HSF2BP: variants seen among roughly 807,000 people sequenced by gnomAD.
HSF2BP encodes heat shock factor 2-binding protein.
A neutral mutation model predicts 35.0 loss-of-function variants in HSF2BP; 35 were observed. The ratio of observed to expected loss-of-function variants is 1.00; its 90% CI spans 0.76 to 1.32. The LOEUF (loss-of-function observed/expected upper bound fraction) is 1.32. Ranked by LOEUF, HSF2BP falls within the 40% of genes most tolerant of loss-of-function variation. The probability of loss-of-function intolerance (pLI) is 0.00; values close to 1 mark genes in which losing one functional copy is unlikely to be tolerated. For missense variants in HSF2BP, 326 were observed against 321.7 expected (o/e 1.01, Z -0.10); for synonymous variants, 114 against 117.4 (o/e 0.97, Z 0.18).
chr21:43,592,068 G>C (rs2081932219), intron 8 of HSF2BP, among the ~76,000 whole-genome samples, 157 bp downstream of exon 8: 1 of 152,118 alleles, frequency 6.6e-6, no homozygotes, highest in Non-Finnish European at 1.5e-5. Flanking sequence ...TTTACATACA[G>C]ATGTATGAAT....
intron 7 of HSF2BP, among the ~76,000 whole-genome samples, chr21:43,594,901 G>T (rs1379871887): frequency 1.3e-5 from 2 of 152,164 alleles, no homozygotes; most frequent in African/African-American, 4.8e-5. Flanking sequence ...ATTATAGATG[G>T]TTAGATTAAA....
intron 7 of HSF2BP, among the ~76,000 whole-genome samples, chr21:43,605,766 CCACA>C (rs956489398): frequency 3.3e-5 from 5 of 151,476 alleles, no homozygotes; most frequent in Admixed American, 6.6e-5. Flanking sequence ...TACACACACA[CCACA>C]CACATTCCCT....
At chr21:43,604,967 ACACACCACACACACATCACACAT>A (rs1251131355) in intron 7 of HSF2BP, among the ~76,000 whole-genome samples, 1 of 142,450 alleles carries the variant, frequency 7.0e-6, no homozygotes, top group Non-Finnish European at 1.5e-5. Flanking sequence ...CACACACACT[ACACACCACACACACATCACACAT>A]CACACCACAC....
At chr21:43,572,172 G>A (rs371101038) in intron 8 of HSF2BP, among the ~76,000 whole-genome samples, 1 of 152,190 alleles carries the variant, frequency 6.6e-6, no homozygotes, top group African/African-American at 2.4e-5. Flanking sequence ...ATGTGCAAGA[G>A]AGAACACAGG....
At chr21:43,577,891 T>A (rs1470038200) in intron 8 of HSF2BP, among the ~76,000 whole-genome samples, 1 of 152,140 alleles carries the variant, frequency 6.6e-6, no homozygotes, top group Non-Finnish European at 1.5e-5. Flanking sequence ...CCCCTGCCCT[T>A]AAGAAGGTAC....
chr21:43,647,106 G>A lies in HSF2BP; in HGVS notation c.188-2714C>T, dbSNP rs1043003688. Among the ~76,000 whole-genome samples, 3 of 152,174 alleles carry A rather than the reference G, an allele frequency of 2.0e-5. No homozygotes were observed. The South Asian group carries it at 6.2e-4, about 32-fold the overall frequency. On this transcript the variant is annotated intron_variant, in intron 3 of 8. Transcript: ENST00000291560. The stretch of plus-strand genomic sequence containing the variant: ...AAACACATGGCTACTTTATCTGTAT[G>A]TCTCATTCTCATACAATAAGAATAT...
intron 8 of HSF2BP, among the ~76,000 whole-genome samples, chr21:43,582,296 GAAGACCTGCTGTGGGAGAT>G: frequency 2.1e-5 from 3 of 140,150 alleles, no homozygotes; most frequent in Non-Finnish European, 3.0e-5. Flanking sequence ...TGAGGGGGAT[GAAGACCTGCTGTGGGAGAT>G]AAGGGCCTGT....
chr21:43,593,740 A>G (rs2081954316), intron 7 of HSF2BP, among the ~76,000 whole-genome samples: 1 of 152,190 alleles, frequency 6.6e-6, no homozygotes, highest in South Asian at 2.1e-4. Context: ...GAAATACTAA[A>G]CAGAAAAGAC....
At chr21:43,605,089 A>G (rs534869842) in intron 7 of HSF2BP, among the ~76,000 whole-genome samples, 1 of 147,024 alleles carries the variant, frequency 6.8e-6, no homozygotes, top group African/African-American at 2.6e-5. Flanking sequence ...CACATAACAC[A>G]ACACACATAC....
the HSF2BP span, among the ~76,000 whole-genome samples, chr21:43,467,510 T>G: frequency 7.7e-6 from 1 of 130,190 alleles, no homozygotes. Context: ...GGGTGAGGGT[T>G]CCAGCGCTGC....
chr21:43,595,726 A>ATTTTTTTTTTTTTTTTTTTTTTTT lies in HSF2BP; in HGVS notation c.693-3422_693-3399dup, dbSNP rs770855952. On this transcript the variant is annotated intron_variant, in intron 7 of 8. Transcript: ENST00000291560. Reference sequence around the variant, plus strand: ...AGCATCTTTAAAAATTAAGAGGCTAATTTTTTTTTTTTTTTTTTTTTTTTT... The same window carrying ATTTTTTTTTTTTTTTTTTTTTTTT: ...AGCATCTTTAAAAATTAAGAGGCTAATTTTTTTTTTTTTTTTTTTTTTTTTTTTTTTTTTTTTTTTTTTTTTTTT... Among the ~76,000 whole-genome samples, 12 of 58,448 alleles carry ATTTTTTTTTTTTTTTTTTTTTTTT rather than the reference A, an allele frequency of 2.1e-4. 2 individuals carry two copies. Among genetic ancestry groups the ATTTTTTTTTTTTTTTTTTTTTTTT allele is most frequent in the Admixed American group, 3.3e-4 (1 of 3,000 alleles). 38.3% of individuals were successfully genotyped at this position (58,448 alleles called of 152,430 possible).
At chr21:43,628,908 T>A (rs1333066132) in intron 6 of HSF2BP, among the ~76,000 whole-genome samples, 3 of 152,218 alleles carry the variant, frequency 2.0e-5, no homozygotes, top group Non-Finnish European at 4.4e-5. Context: ...AAACAAAGCC[T>A]GGATGACAGC....
At chr21:43,657,691 T>A (rs1295036872) in intron 2 of HSF2BP, among the ~76,000 whole-genome samples, 1 of 152,238 alleles carries the variant, frequency 6.6e-6, no homozygotes, top group Non-Finnish European at 1.5e-5. Context: ...GAGGGCAGAT[T>A]CTCTCTAAGC....
intron 2 of HSF2BP, 136 bp downstream of exon 2, chr21:43,657,925 G>A (rs1401186441): frequency 4.7e-6 from 7 of 1,481,252 alleles, no homozygotes; most frequent in East Asian, 2.6e-5. Context: ...AGCCCACGCC[G>A]TTAGGGGAGG....
At chr21:43,629,762 G>T (rs1177985114) in intron 6 of HSF2BP, among the ~76,000 whole-genome samples, 1 of 152,210 alleles carries the variant, frequency 6.6e-6, no homozygotes, top group Non-Finnish European at 1.5e-5. Flanking sequence ...TCTTGGTGAA[G>T]ATGCTAAGAC....
intron 2 of HSF2BP, 136 bp downstream of exon 2, chr21:43,657,925 G>T (rs1401186441): frequency 1.0e-5 from 15 of 1,481,372 alleles, no homozygotes; most frequent in Non-Finnish European, 1.3e-5. Context: ...AGCCCACGCC[G>T]TTAGGGGAGG....
At chr21:43,616,605 T>C (rs980404355) in intron 6 of HSF2BP, among the ~76,000 whole-genome samples, 3 of 151,644 alleles carry the variant, frequency 2.0e-5, no homozygotes, top group African/African-American at 7.3e-5. Flanking sequence ...ATTGCACTAC[T>C]GCACTCCAGC....
the HSF2BP span, among the ~76,000 whole-genome samples, chr21:43,506,875 G>T: frequency 8.0e-6 from 1 of 125,696 alleles, no homozygotes; most frequent in African/African-American, 2.8e-5. Flanking sequence ...AGAAGACCAC[G>T]ACTCATCCCA....
chr21:43,633,467 T>A (rs374858693), intron 4 of HSF2BP, 46 bp from the exon 5 acceptor site: 171 of 1,453,866 alleles, frequency 1.2e-4, no homozygotes, highest in Admixed American at 1.8e-4. Context: ...CATTCAACCT[T>A]GATATATCTT....
Sources: gnomAD v4.1 joint callset for allele counts (sites outside exome capture counted in the v4.1 genomes callset) on GRCh38, gnomAD v4.1.1 for gene constraint, MANE v1.5 for transcripts, NCBI Gene and HGNC (gene_info 2026-07-23, HGNC 2026-07-21) for gene names.